NAALADL2: variants seen among roughly 807,000 people sequenced by gnomAD.
NAALADL2 encodes the protein N-acetylated alpha-linked acidic dipeptidase like 2, also known as inactive N-acetylated-alpha-linked acidic dipeptidase-like protein 2.
NAALADL2 carries 76 observed loss-of-function variants against 87.2 expected under a neutral mutation model. The ratio of observed to expected loss-of-function variants is 0.87; its 90% CI spans 0.72 to 1.05. The LOEUF (loss-of-function observed/expected upper bound fraction) is 1.05. Ranked by LOEUF, NAALADL2 falls within the 50% of genes least tolerant of loss-of-function variation. NAALADL2 has a pLI of 0.00. For synonymous variants in NAALADL2, 354 were observed against 331.0 expected, an observed-to-expected ratio of 1.07 and a Z score of -0.75; for missense variants, 1,089 against 945.8, an observed-to-expected ratio of 1.15 and a Z score of -1.99.
intron 10 of NAALADL2, among the ~76,000 whole-genome samples, chr3:175,602,698 A>G (rs976855909): frequency 6.6e-6 from 1 of 152,204 alleles, no homozygotes; most frequent in Non-Finnish European, 1.5e-5. Flanking sequence ...ACAAAACTCC[A>G]TGCTGTGATT....
chr3:175,748,906 A>G (rs2150117766), intron 12 of NAALADL2, among the ~76,000 whole-genome samples: 1 of 151,904 alleles, frequency 6.6e-6, no homozygotes, highest in African/African-American at 2.4e-5. Flanking sequence ...GGAGTTCAAG[A>G]TGAACCTGGA....
intron 2 of NAALADL2, among the ~76,000 whole-genome samples, chr3:174,723,698 G>A (rs1471646659): frequency 3.0e-5 from 4 of 134,872 alleles, no homozygotes; most frequent in Admixed American, 8.5e-5. Flanking sequence ...GGAGCTCGCA[G>A]TGAGCAGAGA....
intron 1 of NAALADL2, among the ~76,000 whole-genome samples, chr3:174,925,026 C>T (rs569666183): frequency 7.2e-5 from 11 of 152,168 alleles, no homozygotes; most frequent in South Asian, 2.1e-4. Flanking sequence ...AGGTTGCCTG[C>T]TCACTCTGAT....
chr3:174,606,480 G>C (rs999142588), intron 2 of NAALADL2, among the ~76,000 whole-genome samples: 1 of 152,084 alleles, frequency 6.6e-6, no homozygotes, highest in Non-Finnish European at 1.5e-5. Flanking sequence ...CTTAAAGGAG[G>C]TGATGGAGCT....
At chr3:175,042,552 A>G (rs1057345828) in intron 1 of NAALADL2, among the ~76,000 whole-genome samples, 5 of 152,104 alleles carry the variant, frequency 3.3e-5, no homozygotes, top group Non-Finnish European at 7.4e-5. Context: ...ATTCCCCCCA[A>G]CAATGAATAA....
At chr3:175,014,968 A>G (rs1750628916) in intron 1 of NAALADL2, among the ~76,000 whole-genome samples, 1 of 151,992 alleles carries the variant, frequency 6.6e-6, no homozygotes, top group Non-Finnish European at 1.5e-5. Flanking sequence ...TTAAAAGACT[A>G]CTTTTTATGG....
intron 10 of NAALADL2, among the ~76,000 whole-genome samples, chr3:175,586,806 C>T (rs891789683): frequency 6.6e-5 from 10 of 152,072 alleles, no homozygotes; most frequent in African/African-American, 2.4e-4. Flanking sequence ...ATTAATACAA[C>T]CATAATACAT....
At chr3:175,133,122 T>G (rs1728447213) in intron 2 of NAALADL2, among the ~76,000 whole-genome samples, 3 of 123,712 alleles carry the variant, frequency 2.4e-5, no homozygotes, top group South Asian at 2.8e-4. Context: ...TCTCAGACGA[T>G]GGGCGGCCGG....
At chr3:175,482,916 G>T (rs964298827) in intron 9 of NAALADL2, among the ~76,000 whole-genome samples, 2 of 151,716 alleles carry the variant, frequency 1.3e-5, no homozygotes, top group African/African-American at 4.8e-5. Context: ...ACTTTTGTTT[G>T]TAAGTGTCCT....
intron 11 of NAALADL2, among the ~76,000 whole-genome samples, chr3:175,673,306 A>G (rs1293397838): frequency 6.6e-6 from 1 of 152,174 alleles, no homozygotes; most frequent in African/African-American, 2.4e-5. Context: ...TGCCAAATTA[A>G]GGGAGAGTCA....
At chr3:175,360,910 G>A (rs1764927368) in intron 5 of NAALADL2, among the ~76,000 whole-genome samples, 1 of 150,548 alleles carries the variant, frequency 6.6e-6, no homozygotes, top group Non-Finnish European at 1.5e-5. Context: ...GGGTACATGT[G>A]TACAACGTGC....
intron 2 of NAALADL2, among the ~76,000 whole-genome samples, chr3:174,691,437 C>CAA (rs71759755): frequency 0.33 from 49,645 of 148,204 alleles, 9,089 homozygotes; most frequent in Non-Finnish European, 0.41. Flanking sequence ...ATAAAACCCA[C>CAA]AAAAAAAAAA....
chr3:175,265,315 G>C (rs961463393), intron 4 of NAALADL2, among the ~76,000 whole-genome samples: 13 of 151,642 alleles, frequency 8.6e-5, no homozygotes, highest in Non-Finnish European at 1.5e-4. Context: ...CTGACTTTGT[G>C]ATTTAGCATA....
rs564546003 is a variant in NAALADL2 at position 174,924,464 on chromosome 3, A to T, written c.43+65014A>T. Reference sequence around the variant, plus strand: ...ATTTTCTTAATCCAGTCTATCATTGACGGACATTTGGGTTGGTTCCAAGTC... The same window carrying T: ...ATTTTCTTAATCCAGTCTATCATTGTCGGACATTTGGGTTGGTTCCAAGTC... On this transcript the variant is annotated intron_variant, in intron 1 of 13. Coordinates refer to ENST00000454872, the MANE Select transcript of NAALADL2 (RefSeq NM_207015.3). Among the ~76,000 whole-genome samples, 669 of 152,062 alleles carry T rather than the reference A, an allele frequency of 4.4e-3. 5 individuals carry two copies. Among genetic ancestry groups the T allele is most frequent in the African/African-American group, 0.016 (645 of 41,482 alleles).
intron 3 of NAALADL2, among the ~76,000 whole-genome samples, chr3:174,767,772 C>T (rs1385841887): frequency 2.6e-5 from 4 of 152,190 alleles, no homozygotes; most frequent in African/African-American, 9.7e-5. Flanking sequence ...AAACTCAGAA[C>T]AACTGCTTAT....
intron 1 of NAALADL2, among the ~76,000 whole-genome samples, chr3:174,967,732 A>G (rs550513957): frequency 7.9e-5 from 12 of 152,202 alleles, no homozygotes; most frequent in Non-Finnish European, 1.8e-4. Context: ...TCTAGCACTA[A>G]TTGAACAATC....
chr3:175,457,184 G>A (rs1324301835), intron 6 of NAALADL2, among the ~76,000 whole-genome samples: 1 of 151,954 alleles, frequency 6.6e-6, no homozygotes, highest in African/African-American at 2.4e-5. Context: ...TACATCAAAT[G>A]TTCTACCTGC....
rs116613264 is a variant in NAALADL2, at chr3:174,629,993, G to A, written c.-115+79356G>A. 2.2e-3 allele frequency among the ~76,000 whole-genome samples: 340 copies of A among 152,190 alleles called. 4 individuals carry two copies. Among genetic ancestry groups the A allele is most frequent in the Admixed American group, 4.2e-3 (64 of 15,292 alleles). ...TTGATGTCACTCGAAAACTTTCAAC[G>A]TAATATACCATTTGGGGCAGGTTTA... On this transcript the variant is annotated intron_variant, in intron 2 of 3. Coordinates refer to the NAALADL2 transcript ENST00000434257.
chr3:175,538,074 A>G (rs1487471943), intron 9 of NAALADL2, among the ~76,000 whole-genome samples: 2 of 152,196 alleles, frequency 1.3e-5, no homozygotes, highest in Non-Finnish European at 2.9e-5. Flanking sequence ...TATTGTTGCC[A>G]TGTGGTTTAA....
Sources: allele counts gnomAD v4.1 joint callset (sites outside exome capture counted in the v4.1 genomes callset), GRCh38; gene constraint gnomAD v4.1.1; transcripts MANE v1.5; gene names NCBI Gene and HGNC (gene_info 2026-07-23, HGNC 2026-07-21).